The following SYT16 variants were observed in gnomAD, a reference collection of about 807,000 sequenced individuals.
The protein encoded by SYT16 is synaptotagmin-16.
In SYT16, 42 loss-of-function variants were observed where a neutral mutation model predicts 61.4. That is an observed-to-expected ratio of 0.68 (90% CI 0.53 to 0.89). SYT16 has a LOEUF of 0.89. Among genes scored for constraint, SYT16 ranks in the 40% least tolerant of loss-of-function variants. The probability of loss-of-function intolerance (pLI) is 0.00; values close to 1 mark genes in which losing one functional copy is unlikely to be tolerated. For missense variants in SYT16, 804 were observed against 807.3 expected (o/e 1.00, Z 0.05); for synonymous variants, 314 against 302.3 (o/e 1.04, Z -0.40).
chr14:62,059,698 A>G (rs1053644199), intron 3 of SYT16, among the ~76,000 whole-genome samples: 4 of 119,528 alleles, frequency 3.3e-5, no homozygotes, highest in Non-Finnish European at 6.3e-5. Context: ...ATATGTATAT[A>G]TATACATATA....
chr14:61,842,480 T>C (rs530631231), intron 1 of SYT16, among the ~76,000 whole-genome samples: 8 of 152,322 alleles, frequency 5.3e-5, no homozygotes, highest in African/African-American at 1.9e-4. Flanking sequence ...TCCAGTTCCA[T>C]CCATGTTTTT....
Position 62,034,920 on chromosome 14 carries a change from AG to A in SYT16, c.524-34682del, listed in dbSNP as rs1239757124. 1.4e-4 allele frequency among the ~76,000 whole-genome samples: 22 copies of A among 152,210 alleles called. 1 individual carries two copies. ...TCACAAACAAAACAAAAACTGTTCC[AG>A]TTGATCTTCCAGAAAATGACAAAAG... On this transcript the variant is annotated intron_variant, in intron 3 of 7. Coordinates refer to ENST00000683842, the MANE Select transcript of SYT16 (RefSeq NM_001367656.1).
At chr14:61,933,944 T>C (rs182296473) in intron 1 of SYT16, among the ~76,000 whole-genome samples, 132 of 152,332 alleles carry the variant, frequency 8.7e-4, no homozygotes, top group Admixed American at 1.7e-3. Context: ...TATACACACG[T>C]ACACATGCAT....
chr14:61,887,352 T>G (rs936836915), intron 1 of SYT16, among the ~76,000 whole-genome samples: 17 of 152,228 alleles, frequency 1.1e-4, no homozygotes, highest in African/African-American at 3.9e-4. Context: ...GCATAGTTCT[T>G]AGGGGTCCTA....
Position 62,107,121 on chromosome 14 carries a change from CA to C in SYT16, c.*6418del, listed in dbSNP as rs1158478454. On this transcript the variant is annotated 3_prime_UTR_variant, in exon 8 of 8. Coordinates refer to ENST00000683842, the MANE Select transcript of SYT16 (RefSeq NM_001367656.1). ...TTGCTGGGGTTTTGTTTGTTTTATACAAAATTTATTCATTCAAAAAGATCTT... is the reference window on the plus strand; with the variant it reads ...TTGCTGGGGTTTTGTTTGTTTTATACAAATTTATTCATTCAAAAAGATCTT... 6.6e-6 allele frequency: 1 copy of C among 151,066 alleles called. No individual in the cohort carries two copies. Among genetic ancestry groups the C allele is most frequent in the Admixed American group, 6.6e-5 (1 of 15,068 alleles). 9.4% of individuals were successfully genotyped at this position (151,066 alleles called of 1,614,324 possible).
chr14:62,076,573 A>T (rs2056504727), intron 5 of SYT16, among the ~76,000 whole-genome samples: 1 of 150,992 alleles, frequency 6.6e-6, no homozygotes. Flanking sequence ...GTCTCTGCTG[A>T]GGACCAGAAA....
chr14:62,006,752 G>A (rs181331716), intron 3 of SYT16, among the ~76,000 whole-genome samples: 1 of 152,110 alleles, frequency 6.6e-6, no homozygotes, highest in African/African-American at 2.4e-5. Context: ...CCTTTGATAT[G>A]TGATGGGAAG....
chr14:62,074,644 C>G (rs1163127543), intron 4 of SYT16, among the ~76,000 whole-genome samples: 1 of 152,170 alleles, frequency 6.6e-6, no homozygotes, highest in African/African-American at 2.4e-5. Context: ...GATTTAAACT[C>G]GGATCATACC....
In SYT16 at chr14:62,069,698, A is replaced by T. The variant is rs1410080745; in HGVS notation, c.619A>T (p.Ser207Cys). 3 of 1,613,992 alleles carry T rather than the reference A, an allele frequency of 1.9e-6. 1 individual carries two copies. The South Asian group carries it at 3.3e-5, about 18-fold the overall frequency. The part of the protein sequence containing the change: ...QFEISVSRSQ[S>C]FRSVTSEKGK... ...TGAGATTTCCGTGTCCCGGTCCCAG[A>T]GTTTCCGTTCAGTGACATCTGAGAA... The change falls in exon 4 of 8, where the codon AGT (serine) becomes TGT (cysteine). Residue 207 changes from serine to cysteine, a missense_variant. Coordinates refer to ENST00000683842, the MANE Select transcript of SYT16 (RefSeq NM_001367656.1).
At position 61,837,847 on chromosome 14, in the gene SYT16, C is replaced by G. The variant is rs114519079; in HGVS notation, c.-325+25037C>G. On this transcript the variant is annotated intron_variant, in intron 1 of 7. Coordinates refer to ENST00000683842, the MANE Select transcript of SYT16 (RefSeq NM_001367656.1). ...ATGTCGGCTTCCTTCCTATGTCTTTCTCAGTATCCAGCAAAGCTGAAATTG... is the reference window on the plus strand; with the variant it reads ...ATGTCGGCTTCCTTCCTATGTCTTTGTCAGTATCCAGCAAAGCTGAAATTG... Among the ~76,000 whole-genome samples, 691 of 152,316 alleles carry G rather than the reference C, an allele frequency of 4.5e-3. 3 individuals carry two copies. Among genetic ancestry groups the G allele is most frequent in the African/African-American group, 0.016 (650 of 41,558 alleles).
intron 1 of SYT16, among the ~76,000 whole-genome samples, chr14:61,877,126 G>A (rs2047526517): frequency 6.6e-6 from 1 of 152,170 alleles, no homozygotes. Context: ...GGGGAGGCGG[G>A]TGGGAGATGA....
At chr14:62,008,427 A>G (rs1461128159) in intron 3 of SYT16, among the ~76,000 whole-genome samples, 1 of 152,142 alleles carries the variant, frequency 6.6e-6, no homozygotes, top group Admixed American at 6.5e-5. Context: ...ATATAGAGTA[A>G]TATAACAAAG....
intron 1 of SYT16, among the ~76,000 whole-genome samples, chr14:61,829,444 T>C (rs1486240313): frequency 6.6e-6 from 1 of 152,146 alleles, no homozygotes; most frequent in African/African-American, 2.4e-5. Context: ...TCTAGATTTA[T>C]GTCTTTCCCC....
At chr14:62,007,903 C>G (rs1416762888) in intron 3 of SYT16, among the ~76,000 whole-genome samples, 1 of 151,450 alleles carries the variant, frequency 6.6e-6, no homozygotes, top group Non-Finnish European at 1.5e-5. Flanking sequence ...AGTGGAATCA[C>G]TTGATAATTT....
chr14:61,875,441 A>G (rs2047456598), intron 1 of SYT16, among the ~76,000 whole-genome samples: 1 of 152,242 alleles, frequency 6.6e-6, no homozygotes, highest in African/African-American at 2.4e-5. Flanking sequence ...ACAATTTTGA[A>G]GGGTAACGAA....
At chr14:62,026,495 C>A (rs2140782764) in intron 3 of SYT16, among the ~76,000 whole-genome samples, 1 of 152,302 alleles carries the variant, frequency 6.6e-6, no homozygotes, top group South Asian at 2.1e-4. Context: ...TGTGAAGCCT[C>A]TTTTGTAAGT....
intron 1 of SYT16, among the ~76,000 whole-genome samples, chr14:61,857,863 A>C (rs534152833): frequency 6.6e-6 from 1 of 152,078 alleles, no homozygotes; most frequent in African/African-American, 2.4e-5. Context: ...ATGGAAGGAA[A>C]GTTTGGTCCC....
intron 1 of SYT16, among the ~76,000 whole-genome samples, chr14:61,867,001 T>A (rs1401548885): frequency 2.0e-5 from 3 of 152,004 alleles, no homozygotes; most frequent in African/African-American, 7.2e-5. Flanking sequence ...ATAGCACTTG[T>A]TGAGATTATC....
At chr14:61,874,832 A>C (rs557261843) in intron 1 of SYT16, among the ~76,000 whole-genome samples, 1 of 150,836 alleles carries the variant, frequency 6.6e-6, no homozygotes, top group South Asian at 2.1e-4. Flanking sequence ...ATTTGGTGTG[A>C]GGCATGTGCC....
Sources: allele counts gnomAD v4.1 joint callset (sites outside exome capture counted in the v4.1 genomes callset), GRCh38; gene constraint gnomAD v4.1.1; transcripts MANE v1.5; gene names NCBI Gene and HGNC (gene_info 2026-07-23, HGNC 2026-07-21).